TRIM2: variants seen among roughly 807,000 people sequenced by gnomAD.
TRIM2 encodes tripartite motif-containing protein 2.
Under a neutral mutation model 75.2 loss-of-function variants are expected in TRIM2, and 20 were observed. That is an observed-to-expected ratio of 0.27 (90% CI 0.19 to 0.39). TRIM2 has a LOEUF of 0.39. Ranked by LOEUF, TRIM2 falls within the 10% of genes least tolerant of loss-of-function variation. The pLI is 1.00. For synonymous variants in TRIM2, 373 were observed against 388.3 expected, an observed-to-expected ratio of 0.96 and a Z score of 0.46; for missense variants, 660 against 990.8, an observed-to-expected ratio of 0.67 and a Z score of 4.48.
chr4:153,245,358 A>G (rs1283170697), intron 1 of TRIM2, among the ~76,000 whole-genome samples: 1 of 152,214 alleles, frequency 6.6e-6, no homozygotes, highest in Non-Finnish European at 1.5e-5. Context: ...ATGTCCAGAC[A>G]GTGAGTTAGG....
At chr4:153,215,420 C>T (rs1324219247) in intron 1 of TRIM2, among the ~76,000 whole-genome samples, 2 of 151,938 alleles carry the variant, frequency 1.3e-5, no homozygotes, top group Non-Finnish European at 2.9e-5. Context: ...GATGTGGTGC[C>T]GTTTTGCTAG....
At chr4:153,306,516 A>G (rs923575251) in intron 6 of TRIM2, among the ~76,000 whole-genome samples, 2 of 152,232 alleles carry the variant, frequency 1.3e-5, no homozygotes, top group African/African-American at 2.4e-5. Flanking sequence ...AGCAAAAAGT[A>G]TAGAGAAGTT....
intron 1 of TRIM2, among the ~76,000 whole-genome samples, chr4:153,242,513 G>T (rs1746906319): frequency 6.6e-6 from 1 of 152,128 alleles, no homozygotes; most frequent in South Asian, 2.1e-4. Flanking sequence ...CGACCTTGGT[G>T]TTTGCATATT....
chr4:153,291,047 A>G (rs145061178), intron 3 of TRIM2, among the ~76,000 whole-genome samples: 1 of 151,898 alleles, frequency 6.6e-6, no homozygotes, highest in East Asian at 1.9e-4. Flanking sequence ...TATGACAAAA[A>G]AAAAAGTGTC....
intron 1 of TRIM2, among the ~76,000 whole-genome samples, chr4:153,210,058 A>ATTTT (rs761134144): frequency 1.6e-4 from 17 of 106,986 alleles, no homozygotes; most frequent in Admixed American, 3.0e-4. Context: ...GGGTGATTTA[A>ATTTT]TTTTTTTTTT....
intron 1 of TRIM2, among the ~76,000 whole-genome samples, chr4:153,163,943 A>G (rs548299424): frequency 6.6e-6 from 1 of 152,272 alleles, no homozygotes; most frequent in Admixed American, 6.5e-5. Flanking sequence ...GGAAAACAAA[A>G]AAACTGTTAT....
chr4:153,229,341 G>A (rs567529320), intron 1 of TRIM2, among the ~76,000 whole-genome samples: 6 of 152,190 alleles, frequency 3.9e-5, no homozygotes, highest in Non-Finnish European at 4.4e-5. Context: ...TCTGCTCACT[G>A]CAACCTCCGC....
intron 6 of TRIM2, chr4:153,308,436 T>A: frequency 1.2e-6 from 1 of 811,286 alleles, no homozygotes; most frequent in Non-Finnish European, 2.2e-6. Context: ...CTCAGAAGCA[T>A]CATACTGAGC....
intron 1 of TRIM2, among the ~76,000 whole-genome samples, chr4:153,163,493 A>ATTT (rs1390228832): frequency 1.2e-5 from 1 of 80,882 alleles, no homozygotes; most frequent in Admixed American, 1.3e-4. Context: ...CTAGATTTAC[A>ATTT]TCTTTTTTTT....
intron 1 of TRIM2, among the ~76,000 whole-genome samples, chr4:153,197,733 T>C (rs892772388): frequency 6.6e-6 from 1 of 151,914 alleles, no homozygotes; most frequent in African/African-American, 2.4e-5. Flanking sequence ...GTTAGCCAGG[T>C]GTGGTGACGG....
At chr4:153,200,466 G>A (rs934196438), upstream of TRIM2, among the ~76,000 whole-genome samples, 1 of 151,924 alleles carries the variant, frequency 6.6e-6, no homozygotes, top group African/African-American at 2.4e-5. Flanking sequence ...CCATCCTTTA[G>A]CTATTGTGAA....
At chr4:153,222,007 G>A (rs1740537113) in intron 1 of TRIM2, among the ~76,000 whole-genome samples, 1 of 41,636 alleles carries the variant, frequency 2.4e-5, no homozygotes, top group Non-Finnish European at 5.1e-5. Flanking sequence ...AGGAAGGAAA[G>A]AAGGAAGGAA....
chr4:153,326,328 A>G (rs1318558164), intron 10 of TRIM2, among the ~76,000 whole-genome samples: 1 of 152,226 alleles, frequency 6.6e-6, no homozygotes, highest in East Asian at 1.9e-4. Context: ...TTAGCTATTT[A>G]TTTAAACTCA....
chr4:153,187,191 T>A (rs1732683591), intron 1 of TRIM2, among the ~76,000 whole-genome samples: 1 of 152,182 alleles, frequency 6.6e-6, no homozygotes, highest in South Asian at 2.1e-4. Context: ...GTAATTAGAA[T>A]GCTAAAACAG....
chr4:153,260,254 A>G lies in TRIM2; in HGVS notation c.31-10081A>G, dbSNP rs1753063559. On this transcript the variant is annotated intron_variant, in intron 1 of 11. Coordinates refer to ENST00000338700, the MANE Select transcript of TRIM2 (RefSeq NM_015271.5). ...ACTTAGCCTCTTTGTGTAGTCCCCA[A>G]GCAAAGCAAGGGAGGAGACCTGGCA... Among the ~76,000 whole-genome samples the G allele has an allele frequency of 3.9e-5, 6 of 152,170 alleles. No individual in the cohort carries two copies. The South Asian group carries it at 6.2e-4, about 16-fold the overall frequency.
chr4:153,211,568 G>A (rs1427788400), intron 1 of TRIM2, among the ~76,000 whole-genome samples: 1 of 149,340 alleles, frequency 6.7e-6, no homozygotes, highest in African/African-American at 2.5e-5. Flanking sequence ...GCTCACTGCA[G>A]CCTTCACCTC....
At chr4:153,328,886 C>G (rs891788870) in intron 11 of TRIM2, among the ~76,000 whole-genome samples, 1 of 152,092 alleles carries the variant, frequency 6.6e-6, no homozygotes, top group Non-Finnish European at 1.5e-5. Context: ...ATGGACCCCA[C>G]AGACCCCCAC....
intron 1 of TRIM2, among the ~76,000 whole-genome samples, chr4:153,254,282 T>C (rs1053268447): frequency 2.0e-5 from 3 of 152,244 alleles, no homozygotes; most frequent in Non-Finnish European, 4.4e-5. Flanking sequence ...CTCATGCTCC[T>C]GCCAATCCCA....
At chr4:153,319,634 G>A (rs568454344) in intron 8 of TRIM2, among the ~76,000 whole-genome samples, 95 of 152,198 alleles carry the variant, frequency 6.2e-4, no homozygotes, top group African/African-American at 2.3e-3. Flanking sequence ...GGAGGCTGAG[G>A]CAGGAGGATC....
Sources: allele counts gnomAD v4.1 joint callset (sites outside exome capture counted in the v4.1 genomes callset), GRCh38; gene constraint gnomAD v4.1.1; transcripts MANE v1.5; gene names NCBI Gene and HGNC (gene_info 2026-07-23, HGNC 2026-07-21).